KLHL32: variants seen among roughly 807,000 people sequenced by gnomAD.
KLHL32 encodes the protein kelch-like protein 32.
In KLHL32, 35 loss-of-function variants were observed where a neutral mutation model predicts 64.8. The observed-to-expected ratio is 0.54, with a 90% confidence interval of 0.41 to 0.72. The LOEUF (loss-of-function observed/expected upper bound fraction) is 0.72. Ranked by LOEUF, KLHL32 falls within the 30% of genes least tolerant of loss-of-function variation. The probability of loss-of-function intolerance (pLI) is 0.00; values close to 1 mark genes in which losing one functional copy is unlikely to be tolerated. For synonymous variants in KLHL32, 259 were observed against 281.0 expected, an observed-to-expected ratio of 0.92 and a Z score of 0.78; for missense variants, 589 against 768.5, an observed-to-expected ratio of 0.77 and a Z score of 2.76.
rs565191019 is a variant in KLHL32 at position 97,080,486 on chromosome 6, G to A, written c.412-4640G>A. On this transcript the variant is annotated intron_variant, in intron 5 of 10. Transcript: ENST00000369261. Reference sequence around the variant, plus strand: ...GGCATGAGACACAATCTTTGCTTCCGAGAAGCTTAGATTTGGTAGAGGGAG... The same window carrying A: ...GGCATGAGACACAATCTTTGCTTCCAAGAAGCTTAGATTTGGTAGAGGGAG... Among the ~76,000 whole-genome samples, 56 of 152,308 alleles carry A rather than the reference G, an allele frequency of 3.7e-4. 1 individual carries two copies. Among genetic ancestry groups the A allele is most frequent in the Admixed American group, 2.0e-3 (30 of 15,306 alleles).
chr6:97,042,313 C>T (rs1785247543), intron 4 of KLHL32, among the ~76,000 whole-genome samples: 1 of 152,136 alleles, frequency 6.6e-6, no homozygotes, highest in African/African-American at 2.4e-5. Flanking sequence ...CAGGCAAATA[C>T]ATGATTAAAA....
intron 7 of KLHL32, among the ~76,000 whole-genome samples, chr6:97,121,453 G>A (rs1450145813): frequency 6.6e-6 from 1 of 152,116 alleles, no homozygotes; most frequent in Non-Finnish European, 1.5e-5. Flanking sequence ...TCAGGGGTGA[G>A]AAGAGACACA....
At chr6:96,990,647 G>C (rs1327392095) in intron 3 of KLHL32, among the ~76,000 whole-genome samples, 1 of 152,094 alleles carries the variant, frequency 6.6e-6, no homozygotes, top group Non-Finnish European at 1.5e-5. Flanking sequence ...GGCTGTAGCA[G>C]AGAGCCATTC....
chr6:96,936,573 A>G (rs1233107943), intron 1 of KLHL32, among the ~76,000 whole-genome samples: 2 of 152,204 alleles, frequency 1.3e-5, no homozygotes, highest in East Asian at 1.9e-4. Context: ...ATCTGACCAT[A>G]TGTCACAACT....
intron 6 of KLHL32, among the ~76,000 whole-genome samples, chr6:97,090,225 C>T (rs940159858): frequency 6.6e-6 from 1 of 152,084 alleles, no homozygotes; most frequent in Non-Finnish European, 1.5e-5. Flanking sequence ...CCTACTATTC[C>T]TACATTAGGC....
intron 4 of KLHL32, among the ~76,000 whole-genome samples, chr6:97,045,019 GA>G (rs1785711389): frequency 2.6e-5 from 4 of 151,706 alleles, no homozygotes; most frequent in African/African-American, 9.7e-5. Flanking sequence ...GTTTTCTTTA[GA>G]GGCTTATTAA....
chr6:97,127,849 G>A (rs1799036384), intron 8 of KLHL32, among the ~76,000 whole-genome samples: 1 of 152,164 alleles, frequency 6.6e-6, no homozygotes, highest in Non-Finnish European at 1.5e-5. Flanking sequence ...TCTAGGACAA[G>A]TCTAAAGTAG....
intron 3 of KLHL32, among the ~76,000 whole-genome samples, 166 bp from the exon 4 acceptor site, chr6:97,041,326 A>G (rs1562271523): frequency 6.6e-6 from 1 of 152,222 alleles, no homozygotes; most frequent in Non-Finnish European, 1.5e-5. Flanking sequence ...AGACATCAAA[A>G]TGATTTGCAG....
intron 5 of KLHL32, among the ~76,000 whole-genome samples, chr6:97,073,436 G>A (rs1232889915): frequency 6.6e-6 from 1 of 152,138 alleles, no homozygotes; most frequent in Non-Finnish European, 1.5e-5. Flanking sequence ...TTTGACAAAA[G>A]CAACACAATA....
chr6:97,090,518 CA>C (rs1303691797), intron 6 of KLHL32, among the ~76,000 whole-genome samples: 4 of 152,070 alleles, frequency 2.6e-5, no homozygotes, highest in Non-Finnish European at 5.9e-5. Context: ...GAAGTGAACC[CA>C]AACAAAAAGC....
intron 10 of KLHL32, among the ~76,000 whole-genome samples, chr6:97,135,462 T>A (rs1467670055): frequency 6.6e-6 from 1 of 151,940 alleles, no homozygotes; most frequent in East Asian, 1.9e-4. Context: ...TGTGCCACCA[T>A]GCCCAGCTAA....
intron 1 of KLHL32, among the ~76,000 whole-genome samples, chr6:96,939,651 G>A (rs1006203748): frequency 2.0e-5 from 3 of 152,190 alleles, no homozygotes; most frequent in Non-Finnish European, 4.4e-5. Flanking sequence ...CAACACAGTG[G>A]GGTGCAGAGA....
chr6:96,994,334 A>G (rs1177090434), intron 3 of KLHL32, among the ~76,000 whole-genome samples: 1 of 152,258 alleles, frequency 6.6e-6, no homozygotes, highest in Non-Finnish European at 1.5e-5. Context: ...TAAGGGAATG[A>G]AGAAATGTTT....
intron 1 of KLHL32, among the ~76,000 whole-genome samples, chr6:96,931,439 T>A (rs1433997495): frequency 6.6e-6 from 1 of 152,216 alleles, no homozygotes; most frequent in Non-Finnish European, 1.5e-5. Flanking sequence ...GAGCAGTATA[T>A]TGTAGGATCC....
the KLHL32 span, among the ~76,000 whole-genome samples, chr6:96,915,495 G>T: frequency 6.6e-6 from 1 of 152,264 alleles, no homozygotes; most frequent in East Asian, 1.9e-4. Flanking sequence ...GAATAGTGTG[G>T]CTGTCTTCTT....
intron 1 of KLHL32, among the ~76,000 whole-genome samples, chr6:96,956,868 C>T (rs958748448): frequency 3.3e-5 from 5 of 152,164 alleles, no homozygotes; most frequent in Non-Finnish European, 7.3e-5. Context: ...ATGTAAGAAG[C>T]ACATCAGGTT....
intron 3 of KLHL32, among the ~76,000 whole-genome samples, chr6:97,029,521 T>G (rs6932441): frequency 0.029 from 4,409 of 152,234 alleles, 212 homozygotes; most frequent in African/African-American, 0.099. Context: ...TTTTATTCTC[T>G]GACAGTATTA....
intron 1 of KLHL32, among the ~76,000 whole-genome samples, chr6:96,955,873 G>T (rs1218098914): frequency 6.6e-6 from 1 of 152,170 alleles, no homozygotes; most frequent in Non-Finnish European, 1.5e-5. Context: ...GGAGGCAGAG[G>T]TTGCAGTGAG....
intron 5 of KLHL32, among the ~76,000 whole-genome samples, chr6:97,084,123 G>A (rs1793025349): frequency 2.6e-5 from 4 of 152,136 alleles, no homozygotes; most frequent in Admixed American, 2.6e-4. Flanking sequence ...GGGAAAAGTA[G>A]GTTGAAAATT....
Sources: allele counts gnomAD v4.1 joint callset (sites outside exome capture counted in the v4.1 genomes callset), GRCh38; gene constraint gnomAD v4.1.1; transcripts MANE v1.5; gene names NCBI Gene and HGNC (gene_info 2026-07-23, HGNC 2026-07-21).